PPP1R1B: variants seen among roughly 807,000 people sequenced by gnomAD.
PPP1R1B encodes the protein protein phosphatase 1 regulatory subunit 1B.
In PPP1R1B, 13 loss-of-function variants were observed where a neutral mutation model predicts 28.2. That is an observed-to-expected ratio of 0.46 (90% confidence interval 0.30 to 0.73). PPP1R1B has a LOEUF of 0.73. Ranked by LOEUF, PPP1R1B falls within the 30% of genes least tolerant of loss-of-function variation. PPP1R1B has a pLI of 0.07. For synonymous variants in PPP1R1B, 102 were observed against 97.5 expected (o/e 1.05, Z -0.27); for missense variants, 236 against 256.7 (o/e 0.92, Z 0.55).
At chr17:39,634,141 C>T (rs897642322) in intron 5 of PPP1R1B, 55 bp downstream of exon 5, 19 of 1,600,268 alleles carry the variant, frequency 1.2e-5, no homozygotes, top group Admixed American at 3.3e-5. Flanking sequence ...CTTGAGTATA[C>T]GAGGACGTCC....
intron 2 of PPP1R1B, 32 bp from the exon 3 acceptor site, chr17:39,629,508 C>CTGGTT (rs1223055481): frequency 6.2e-7 from 1 of 1,613,554 alleles, no homozygotes; most frequent in East Asian, 2.2e-5. Flanking sequence ...TCGCTTGGTT[C>CTGGTT]TGGTTCGGTT....
chr17:39,629,185 C>T lies in PPP1R1B; in HGVS notation c.97C>T (p.Pro33Ser). 6.2e-7 allele frequency: 1 copy of T among 1,613,602 alleles called. No individual in the cohort carries two copies. Among genetic ancestry groups the T allele is most frequent in the Non-Finnish European group, 8.5e-7 (1 of 1,179,882 alleles). The change falls in exon 2 of 7, where the codon CCA (proline) becomes TCA (serine). Residue 33 changes from proline (P) to serine (S), a missense_variant. Transcript: ENST00000254079. ...RQVEMIRRRR[P>S]TPAMLFRLSE... ...ATCTCCTTAGATCCGGCGCAGGAGA[C>T]CAACGCCTGCCATGCTGTTCCGGCT...
rs775936429 is a variant in PPP1R1B, at chr17:39,629,547, A to G, written c.150A>G (p.Glu50=). The G allele has an allele frequency of 1.2e-6, 2 of 1,613,592 alleles. No homozygotes were observed. Among genetic ancestry groups the G allele is most frequent in the Non-Finnish European group, 1.7e-6 (2 of 1,179,946 alleles). ...RLSEHSSPEE[E]ASPHQRASGE... is the part of the protein sequence containing the mutation. ...TTTGGTGGCCTTCCTCAGAGGAGGA[A>G]GCCTCCCCCCACCAGGTGAGTTTCC... is the stretch of plus-strand genomic sequence containing the variant. Residue 50 remains glutamate, a synonymous_variant, in exon 3 of 7, where the codon GAA becomes GAG. Coordinates refer to ENST00000254079, the MANE Select transcript of PPP1R1B (RefSeq NM_032192.4).
intron 1 of PPP1R1B, among the ~76,000 whole-genome samples, 194 bp from the exon 2 acceptor site, chr17:39,628,976 A>T (rs1228018660): frequency 6.6e-6 from 1 of 152,194 alleles, no homozygotes; most frequent in Non-Finnish European, 1.5e-5. Context: ...GCACATTGCC[A>T]AATCTCTCTG....
Position 39,634,043 on chromosome 17 carries a change from AGAG to A in PPP1R1B, c.405_407del (p.Glu135del). ...AGGATGATGAAGAAGAGGAAGAAGA[AGAG>A]GACAGCCAGGCTGAAGTCCTGAAGG... On this transcript the variant is annotated inframe_deletion, in exon 5 of 7. Coordinates refer to ENST00000254079, the MANE Select transcript of PPP1R1B (RefSeq NM_032192.4). 6.2e-7 allele frequency: 1 copy of A among 1,613,916 alleles called. No individual in the cohort carries two copies. The highest frequency in any genetic ancestry group is 8.5e-7 in the Non-Finnish European group (1 of 1,179,952).
At chr17:39,634,361 A>T (rs2056901493) in intron 5 of PPP1R1B, among the ~76,000 whole-genome samples, 1 of 152,246 alleles carries the variant, frequency 6.6e-6, no homozygotes, top group African/African-American at 2.4e-5. Context: ...GTTTGAGGCT[A>T]GAGCCAAAAG....
chr17:39,630,249 G>A (rs2056867419), intron 4 of PPP1R1B: 6 of 577,548 alleles, frequency 1.0e-5, no homozygotes, highest in African/African-American at 1.9e-5. Flanking sequence ...GCAATGGGCA[G>A]CTATGGGCCT....
At chr17:39,632,491 T>A (rs1051190190) in intron 4 of PPP1R1B, 4 of 152,358 alleles carry the variant, frequency 2.6e-5, no homozygotes, top group African/African-American at 9.7e-5. Flanking sequence ...TAGGCTTCAG[T>A]CCTTTTGTGG....
At chr17:39,629,933 C>T (rs1338659891) in intron 3 of PPP1R1B, 39 bp from the exon 4 acceptor site, 2 of 1,597,364 alleles carry the variant, frequency 1.3e-6, no homozygotes, top group African/African-American at 1.3e-5. Context: ...AGGCAAGGGC[C>T]TCTGCTGAGC....
Position 39,627,369 on chromosome 17 carries a change from GC to G in PPP1R1B, c.-20del. 6.4e-7 allele frequency: 1 copy of G among 1,559,292 alleles called. No individual in the cohort carries two copies. The highest frequency in any genetic ancestry group is 8.8e-7 in the Non-Finnish European group (1 of 1,142,536). On this transcript the variant is annotated 5_prime_UTR_variant, in exon 1 of 7. Coordinates refer to ENST00000254079, the MANE Select transcript of PPP1R1B (RefSeq NM_032192.4). ...CCGGGACCCCGAGTCGCGCACCCCA[GC>G]CCCACCGCCCACCCCGCGCGCCATG...
intron 1 of PPP1R1B, chr17:39,628,605 CCT>C (rs2056853392): frequency 1.0e-6 from 1 of 986,332 alleles, no homozygotes; most frequent in Non-Finnish European, 1.2e-6. Context: ...CCTTTGGGTC[CCT>C]GAGCCTCAGC....
Position 39,636,267 on chromosome 17 carries a change from G to A in PPP1R1B, c.*402G>A, listed in dbSNP as rs574448270. 9.5e-5 allele frequency: 18 copies of A among 189,468 alleles called. No homozygotes were observed. Among genetic ancestry groups the A allele is most frequent in the African/African-American group, 4.2e-4 (18 of 42,766 alleles). 11.7% of individuals were successfully genotyped at this position (189,468 alleles called of 1,614,324 possible). A position where few individuals can be genotyped will look rare whatever the true frequency, so the allele number is the denominator to read the frequency against. ...GGAAAGGAGGTCCTGAGAACCTTGA[G>A]GTACCCTTAGATCCTTTTCTACCCA... On this transcript the variant is annotated 3_prime_UTR_variant, in exon 7 of 7. Coordinates refer to ENST00000254079, the MANE Select transcript of PPP1R1B (RefSeq NM_032192.4).
At position 39,633,765 on chromosome 17, in the gene PPP1R1B, G is replaced by GGGGTA; in HGVS notation, c.242-117_242-113dup. ...TGGCCTTTGAACTTGGGCCCCTGAG[G>GGGGTA]GGGTATTCTCTGCCCCAGGCCTACG... On this transcript the variant is annotated intron_variant, in intron 4 of 6. Transcript: ENST00000254079. The GGGGTA allele has an allele frequency of 1.9e-6, 3 of 1,543,000 alleles. No individual in the cohort carries two copies. The South Asian group carries it at 3.6e-5, about 19-fold the overall frequency.
chr17:39,635,820 T>A lies in PPP1R1B; in HGVS notation c.570T>A (p.Pro190=), dbSNP rs1168285491. The change falls in exon 7 of 7, where the codon CCT becomes CCA. Residue 190 remains proline, a synonymous_variant. Transcript: ENST00000254079. ...CCCTCTCTGCTTGCCTTTCAGAGCC[T>A]GGGGAGGAACCTCAGCGCCCTTCCC... ...DQVEDPALSE[P]GEEPQRPSPS... 4.3e-6 allele frequency: 7 copies of A among 1,613,990 alleles called. No individual in the cohort carries two copies. Among genetic ancestry groups the A allele is most frequent in the Non-Finnish European group, 5.9e-6 (7 of 1,180,000 alleles).
rs769791051 is a variant in PPP1R1B, at chr17:39,634,092, C to T, written c.445+6C>T. On this transcript the variant is annotated splice_donor_region_variant and intron_variant, in intron 5 of 6. Transcript: ENST00000254079. ...GAAGGTCATCAGGCAGTCTGGTAAG[C>T]TGAGGGGCCTGTGACATGTGGATTA... 2.5e-6 allele frequency: 4 copies of T among 1,613,490 alleles called. No individual in the cohort carries two copies. The highest frequency in any genetic ancestry group is 2.2e-5 in the East Asian group (1 of 44,890).
intron 4 of PPP1R1B, among the ~76,000 whole-genome samples, chr17:39,631,235 G>C (rs187685857): frequency 6.6e-6 from 1 of 152,004 alleles, no homozygotes; most frequent in South Asian, 2.1e-4. Flanking sequence ...AGCCTGTCTC[G>C]GGAAAAAATA....
At chr17:39,631,488 C>T (rs1287444379) in intron 4 of PPP1R1B, among the ~76,000 whole-genome samples, 8 of 152,178 alleles carry the variant, frequency 5.3e-5, no homozygotes, top group Admixed American at 3.3e-4. Context: ...TGACTAAGCC[C>T]TGTTGCCTAC....
intron 5 of PPP1R1B, 103 bp from the exon 6 acceptor site, chr17:39,635,504 C>T: frequency 1.4e-6 from 2 of 1,473,264 alleles, no homozygotes; most frequent in South Asian, 2.6e-5. Flanking sequence ...CCATGATGCC[C>T]CTGGAAAGCT....
At chr17:39,635,471 A>C in intron 5 of PPP1R1B, 136 bp from the exon 6 acceptor site, 1 of 1,193,050 alleles carries the variant, frequency 8.4e-7, no homozygotes, top group East Asian at 2.4e-5. Flanking sequence ...GAGCTGTTCT[A>C]GCCCAGTTCT....
Sources: allele counts gnomAD v4.1 joint callset (sites outside exome capture counted in the v4.1 genomes callset), GRCh38; gene constraint gnomAD v4.1.1; transcripts MANE v1.5; gene names NCBI Gene and HGNC (gene_info 2026-07-23, HGNC 2026-07-21).